OR1B1: variants seen among roughly 807,000 people sequenced by gnomAD.
OR1B1 encodes the protein olfactory receptor family 1 subfamily B member 1.
For missense variants in OR1B1, 414 were observed against 402.1 expected (o/e 1.03, Z -0.25); for synonymous variants, 168 against 156.2 (o/e 1.08, Z -0.57).
the OR1B1 span, chr9:122,639,570 A>C: frequency 6.6e-6 from 1 of 152,036 alleles, no homozygotes; most frequent in South Asian, 2.1e-4. Context: ...TATGTGAGTA[A>C]GTTTTTTGAC....
chr9:122,648,597 A>G, the OR1B1 span, among the ~76,000 whole-genome samples: 1 of 152,194 alleles, frequency 6.6e-6, no homozygotes, highest in East Asian at 1.9e-4. Flanking sequence ...ACATTCCTAT[A>G]CGTCAATAAC....
the OR1B1 span, among the ~76,000 whole-genome samples, chr9:122,655,791 C>A: frequency 6.6e-6 from 1 of 151,456 alleles, no homozygotes; most frequent in East Asian, 1.9e-4. Flanking sequence ...CGCACCTTTA[C>A]CTATGTAACA....
At chr9:122,643,735 T>A in the OR1B1 span, among the ~76,000 whole-genome samples, 3 of 152,176 alleles carry the variant, frequency 2.0e-5, no homozygotes, top group Admixed American at 6.5e-5. Context: ...GAGAGGAGAA[T>A]GAAGAGTAAA....
the OR1B1 span, chr9:122,639,773 ATATATTTATT>A: frequency 6.7e-6 from 1 of 149,314 alleles, no homozygotes; most frequent in South Asian, 2.1e-4. Flanking sequence ...ATATATTTAT[ATATATTTATT>A]TATATTGAAA....
the OR1B1 span, among the ~76,000 whole-genome samples, chr9:122,643,845 G>A: frequency 6.6e-6 from 1 of 152,202 alleles, no homozygotes; most frequent in Non-Finnish European, 1.5e-5. Flanking sequence ...GCTCTGGGAT[G>A]ACATATCCTT....
chr9:122,633,353 G>T (rs972739628), upstream of OR1B1, among the ~76,000 whole-genome samples: 1 of 152,106 alleles, frequency 6.6e-6, no homozygotes, highest in African/African-American at 2.4e-5. Context: ...ATTCCAAGAA[G>T]AAAATACAAG....
chr9:122,629,720 T>C, upstream of OR1B1: 1 of 514,664 alleles, frequency 1.9e-6, no homozygotes, highest in Non-Finnish European at 3.4e-6. Context: ...TTAATATGTA[T>C]TTATTTTCTC....
the OR1B1 span, among the ~76,000 whole-genome samples, chr9:122,652,480 TATTG>T: frequency 6.6e-6 from 1 of 152,358 alleles, no homozygotes; most frequent in Non-Finnish European, 1.5e-5. Flanking sequence ...ACTCCACCGT[TATTG>T]ATTTAGTTTC....
the OR1B1 span, among the ~76,000 whole-genome samples, chr9:122,635,411 A>G: frequency 1.3e-5 from 2 of 152,222 alleles, no homozygotes; most frequent in African/African-American, 4.8e-5. Context: ...ATACAAAGTT[A>G]CAGTTTTGTA....
the OR1B1 span, among the ~76,000 whole-genome samples, chr9:122,641,614 G>A: frequency 6.6e-6 from 1 of 152,320 alleles, no homozygotes; most frequent in Non-Finnish European, 1.5e-5. Context: ...GGGAGTGGGG[G>A]TTGGGGAGAG....
chr9:122,629,313 G>A, exon 1 of OR1B1: 14 of 1,614,070 alleles, frequency 8.7e-6, no homozygotes, highest in Non-Finnish European at 1.2e-5. Flanking sequence ...ACTGTGGATA[G>A]CCCCATGTCT....
At chr9:122,633,254 A>G (rs1304873654), upstream of OR1B1, among the ~76,000 whole-genome samples, 1 of 152,188 alleles carries the variant, frequency 6.6e-6, no homozygotes, top group Non-Finnish European at 1.5e-5. Context: ...CTACATACAA[A>G]AGAATGGAAT....
At chr9:122,640,809 G>A in the OR1B1 span, among the ~76,000 whole-genome samples, 1 of 152,082 alleles carries the variant, frequency 6.6e-6, no homozygotes, top group Non-Finnish European at 1.5e-5. Context: ...AGTACATCAG[G>A]TAGTCACATG....
At chr9:122,631,779 G>A (rs1830206034), upstream of OR1B1, among the ~76,000 whole-genome samples, 1 of 151,956 alleles carries the variant, frequency 6.6e-6, no homozygotes, top group Non-Finnish European at 1.5e-5. Flanking sequence ...CAGCAAAAGG[G>A]TATACACGAA....
chr9:122,652,280 AT>A, the OR1B1 span, among the ~76,000 whole-genome samples: 1 of 152,226 alleles, frequency 6.6e-6, no homozygotes. Flanking sequence ...ATTAAAATTA[AT>A]TTTATATGAC....
the OR1B1 span, among the ~76,000 whole-genome samples, chr9:122,646,445 T>G: frequency 6.6e-6 from 1 of 151,702 alleles, no homozygotes; most frequent in Non-Finnish European, 1.5e-5. Context: ...ATCTTCTGCC[T>G]ATAAGAAGTA....
At chr9:122,645,006 A>G in the OR1B1 span, among the ~76,000 whole-genome samples, 2 of 152,256 alleles carry the variant, frequency 1.3e-5, no homozygotes, top group East Asian at 3.8e-4. Flanking sequence ...AATTCAAAAT[A>G]GCTGTTTTGA....
At chr9:122,628,274 C>T (rs1453349556), downstream of OR1B1, among the ~76,000 whole-genome samples, 1 of 152,208 alleles carries the variant, frequency 6.6e-6, no homozygotes, top group Non-Finnish European at 1.5e-5. Flanking sequence ...ATCCTATCCT[C>T]ATATTCCCTC....
At chr9:122,653,870 A>G in the OR1B1 span, among the ~76,000 whole-genome samples, 1 of 152,232 alleles carries the variant, frequency 6.6e-6, no homozygotes, top group Non-Finnish European at 1.5e-5. Flanking sequence ...GGACTAGACA[A>G]TTCATGCATT....
Sources: gnomAD v4.1 joint callset for allele counts (sites outside exome capture counted in the v4.1 genomes callset) on GRCh38, gnomAD v4.1.1 for gene constraint, MANE v1.5 for transcripts, NCBI Gene and HGNC (gene_info 2026-07-23, HGNC 2026-07-21) for gene names.